The following HJURP variants were observed in gnomAD, a reference collection of about 807,000 sequenced individuals.
The protein encoded by HJURP is 14-3-3-associated AKT substrate.
Under a neutral mutation model 72.0 loss-of-function variants are expected in HJURP, and 49 were observed. That is an observed-to-expected ratio of 0.68 (90% CI 0.54 to 0.86). The LOEUF is 0.86. Among genes scored for constraint, HJURP ranks in the 40% least tolerant of loss-of-function variants. The pLI is 0.00. For synonymous variants in HJURP, 357 were observed against 347.1 expected (o/e 1.03, Z -0.32); for missense variants, 908 against 936.3 (o/e 0.97, Z 0.39).
chr2:233,848,583 T>A (rs940705538), intron 4 of HJURP, among the ~76,000 whole-genome samples: 2 of 152,084 alleles, frequency 1.3e-5, no homozygotes, highest in East Asian at 1.9e-4. Flanking sequence ...GAGGCTGAGA[T>A]GAAGATCCTG....
Position 233,846,579 on chromosome 2 carries a change from G to C in HJURP, c.403-759C>G. ...CTCTGCTGAGTGGGGCTGGCACTTT[G>C]GTTCTTGACTCTTGGTACCACCCAC... On this transcript the variant is annotated intron_variant, in intron 5 of 8. Transcript: ENST00000411486. The surrounding 1 kb of genome is among the most constrained non-coding windows in gnomAD (Gnocchi z 4.3). Among the ~76,000 whole-genome samples the C allele has an allele frequency of 6.6e-6, 1 of 152,132 alleles. No homozygotes were observed.
At chr2:233,847,552 T>C (rs1475125415) in intron 4 of HJURP, 91 bp from the exon 5 acceptor site, 26 of 1,077,286 alleles carry the variant, frequency 2.4e-5, no homozygotes, top group Non-Finnish European at 3.6e-5. Flanking sequence ...TTCGAGTAAG[T>C]TGTACAGTAA....
In HJURP at chr2:233,854,503, G is replaced by T. The variant is rs1273777437; in HGVS notation, c.-3C>A. ...ATGGCGCGCAGCGTACCCAGCATCGGACCCAGCCAGTACCCAAGCGCCAAC... is the reference window on the plus strand; with the variant it reads ...ATGGCGCGCAGCGTACCCAGCATCGTACCCAGCCAGTACCCAAGCGCCAAC... On this transcript the variant is annotated 5_prime_UTR_variant, in exon 1 of 9. Transcript: ENST00000411486. 6.2e-7 allele frequency: 1 copy of T among 1,606,864 alleles called. No individual in the cohort carries two copies. The highest frequency in any genetic ancestry group is 1.1e-5 in the South Asian group (1 of 90,570).
At chr2:233,842,372 T>C (rs2124964358) in intron 7 of HJURP, among the ~76,000 whole-genome samples, 167 bp from the exon 8 acceptor site, 1 of 152,348 alleles carries the variant, frequency 6.6e-6, no homozygotes, top group South Asian at 2.1e-4. Context: ...AGATATTTTT[T>C]GGTATCAAAA....
chr2:233,837,405 A>G lies in HJURP; in HGVS notation c.*172T>C, dbSNP rs1223359984. ...ATTCTAATTGAGCAACTTTATTCAC[A>G]TAATTTCTACACCAAGAACTCGAGG... On this transcript the variant is annotated 3_prime_UTR_variant, in exon 9 of 9. Coordinates refer to ENST00000411486, the MANE Select transcript of HJURP (RefSeq NM_018410.5). 7.1e-6 allele frequency: 4 copies of G among 562,762 alleles called. No individual in the cohort carries two copies. The highest frequency in any genetic ancestry group is 1.3e-5 in the Non-Finnish European group (4 of 319,134). 34.9% of individuals were successfully genotyped at this position (562,762 alleles called of 1,614,324 possible).
intron 3 of HJURP, among the ~76,000 whole-genome samples, chr2:233,851,183 T>C (rs767091165): frequency 2.0e-5 from 3 of 152,250 alleles, no homozygotes; most frequent in Non-Finnish European, 4.4e-5. Flanking sequence ...ACTGGTCTAA[T>C]GAGTGGACAT....
chr2:233,854,253 C>G (rs1374132534), intron 1 of HJURP, 131 bp downstream of exon 1: 1 of 636,636 alleles, frequency 1.6e-6, no homozygotes. Context: ...TCTCCGCATC[C>G]AAGCCCCAGT....
chr2:233,841,927 T>C lies in HJURP; in HGVS notation c.853A>G (p.Thr285Ala). The change falls in exon 8 of 9, where the codon ACC becomes GCC. Residue 285 changes from threonine (T) to alanine (A), a missense_variant. By Grantham distance (58) the Thr-to-Ala change is moderately conservative (BLOSUM62 0). Around this residue, in one of 3 missense-constraint regions of HJURP, gnomAD observed 598 missense variants for 619.5 expected, o/e 0.97. Transcript: ENST00000411486. ...CAGTTTTGCATGATGAACGTTTTGG[T>C]GGAGATGATGCTTGATGGCTTTGTG... ...LSTKPSSIIS[T>A]KTFIMQNWNS... The C allele has an allele frequency of 6.2e-7, 1 of 1,614,184 alleles. No individual in the cohort carries two copies. The highest frequency in any genetic ancestry group is 8.5e-7 in the Non-Finnish European group (1 of 1,180,028).
chr2:233,850,734 A>C (rs1473788575), intron 3 of HJURP, among the ~76,000 whole-genome samples: 1 of 152,096 alleles, frequency 6.6e-6, no homozygotes, highest in African/African-American at 2.4e-5. Flanking sequence ...CGTAAGGTGG[A>C]GTTTACAGGG....
rs143677073 is a variant in HJURP, at chr2:233,851,442, A to G, written c.240+1123T>C. 3.8e-3 allele frequency among the ~76,000 whole-genome samples: 578 copies of G among 152,330 alleles called. 7 individuals are homozygous for G. Among genetic ancestry groups the G allele is most frequent in the African/African-American group, 0.013 (558 of 41,566 alleles). ...GCTGAGTAGTTACAACAGAGACCAT[A>G]GAGCCAGCAAAGCCTAAAATATGTA... is the stretch of plus-strand genomic sequence containing the variant. On this transcript the variant is annotated intron_variant, in intron 3 of 8. Transcript: ENST00000411486.
At chr2:233,838,532 C>T (rs867541223) in intron 8 of HJURP, among the ~76,000 whole-genome samples, 5 of 152,022 alleles carry the variant, frequency 3.3e-5, no homozygotes, top group Non-Finnish European at 1.5e-5. Context: ...GGAAAAGGCA[C>T]GAGACAAAAT....
intron 3 of HJURP, among the ~76,000 whole-genome samples, chr2:233,851,930 A>G (rs535321653): frequency 4.6e-5 from 7 of 152,216 alleles, no homozygotes; most frequent in African/African-American, 1.4e-4. Flanking sequence ...AGAGGCAGTG[A>G]TTAACTGAAT....
In HJURP at chr2:233,841,482, T is replaced by TC; in HGVS notation, c.1297dup (p.Glu433GlyfsTer3). The TC allele has an allele frequency of 6.2e-7, 1 of 1,614,176 alleles. No homozygotes were observed. Among genetic ancestry groups the TC allele is most frequent in the Non-Finnish European group, 8.5e-7 (1 of 1,180,038 alleles). On this transcript the variant is annotated frameshift_variant, in exon 8 of 9. Transcript: ENST00000411486. LOFTEE classifies it high-confidence loss of function. The stretch of plus-strand genomic sequence containing the variant: ...AAGCTGATCAAATCGGATTTCAATC[T>TC]CCCTCTGACGGTTCTCTCCATGGCC...
At position 233,849,780 on chromosome 2, in the gene HJURP, C is replaced by T. The variant is rs562372914; in HGVS notation, c.320G>A (p.Arg107His). 52 of 1,552,762 alleles carry T rather than the reference C, an allele frequency of 3.3e-5. No homozygotes were observed. Among genetic ancestry groups the T allele is most frequent in the Admixed American group, 1.6e-4 (8 of 51,434 alleles). ...ACACTCACCGGCTCCCAGGACTGTG[C>T]GGTGCGAGGGAAGCTCAGGACCCCA... ...AAWGPELPSH[R>H]TVLGADSKSG... The change falls in exon 4 of 9, where the codon CGC becomes CAC. Residue 107 changes from arginine to histidine, a missense_variant. By Grantham distance (29) the Arg-to-His change is conservative (BLOSUM62 0). Transcript: ENST00000411486.
intron 7 of HJURP, among the ~76,000 whole-genome samples, chr2:233,843,838 T>C (rs1439140198): frequency 2.0e-5 from 3 of 152,192 alleles, no homozygotes; most frequent in Admixed American, 6.5e-5. Context: ...GATAAATGCA[T>C]ACACAAATGC....
chr2:233,840,970 A>C lies in HJURP; in HGVS notation c.1810T>G (p.Cys604Gly), dbSNP rs780977409. 29 of 1,614,070 alleles carry C rather than the reference A, an allele frequency of 1.8e-5. No individual in the cohort carries two copies. The highest frequency in any genetic ancestry group is 2.5e-5 in the Non-Finnish European group (29 of 1,180,026). The change falls in exon 8 of 9, where the codon TGT becomes GGT. Residue 604 changes from cysteine (C) to glycine (G), a missense_variant. Cys to Gly is a radical substitution (Grantham distance 159, BLOSUM62 -3). Coordinates refer to ENST00000411486, the MANE Select transcript of HJURP (RefSeq NM_018410.5). The part of the protein sequence containing the change: ...KSPGQMTVPL[C>G]IGVSTDKASM... ...GCTTTATCTGTAGACACTCCAATAC[A>C]TAAAGGCACTGTCATCTGCCCAGGA...
Position 233,852,607 on chromosome 2 carries a change from C to A in HJURP, c.198G>T (p.Trp66Cys), listed in dbSNP as rs1173858877. The A allele has an allele frequency of 6.2e-7, 1 of 1,604,758 alleles. No homozygotes were observed. The highest frequency in any genetic ancestry group is 1.7e-5 in the Admixed American group (1 of 59,988). ...TTCTTTCCTTTATTAGTCTTCCACC[C>A]CAAATTCTCAATCCTGAAGAAAAGA... ...TYETPQGLRI[W>C]GGRLIKERNE... Residue 66 changes from tryptophan to cysteine, a missense_variant, in exon 3 of 9, where the codon TGG becomes TGT. Trp to Cys is a radical substitution (Grantham distance 215). Coordinates refer to ENST00000411486, the MANE Select transcript of HJURP (RefSeq NM_018410.5).
chr2:233,849,080 G>T (rs1481849150), intron 4 of HJURP, among the ~76,000 whole-genome samples: 5 of 152,238 alleles, frequency 3.3e-5, no homozygotes, highest in African/African-American at 1.2e-4. Flanking sequence ...TTGGGCTTTA[G>T]AGATGGAGCC....
At chr2:233,848,131 C>T (rs1408607436) in intron 4 of HJURP, among the ~76,000 whole-genome samples, 1 of 152,068 alleles carries the variant, frequency 6.6e-6, no homozygotes, top group Non-Finnish European at 1.5e-5. Context: ...ACACCCATCA[C>T]TAACTATTGG....
Sources: gnomAD v4.1 joint callset for allele counts (sites outside exome capture counted in the v4.1 genomes callset) on GRCh38, gnomAD v4.1.1 for gene constraint, gnomAD v4.1.1 regional missense constraint, Gnocchi (gnomAD v3.1) non-coding constraint, MANE v1.5 for transcripts, NCBI Gene and HGNC (gene_info 2026-07-23, HGNC 2026-07-21) for gene names.